RINT1: variants seen among roughly 807,000 people sequenced by gnomAD.
RINT1 encodes RAD50 interactor 1.
In RINT1, 75 loss-of-function variants were observed where a neutral mutation model predicts 97.7. The ratio of observed to expected loss-of-function variants is 0.77; its 90% confidence interval spans 0.64 to 0.93. RINT1 has a LOEUF of 0.93. Ranked by LOEUF, RINT1 falls within the 40% of genes least tolerant of loss-of-function variation. The pLI, the probability that RINT1 is intolerant of heterozygous loss-of-function variation, is 0.00. For synonymous variants in RINT1, 303 were observed against 326.3 expected (o/e 0.93, Z 0.77); for missense variants, 892 against 925.2 (o/e 0.96, Z 0.47).
intron 4 of RINT1, among the ~76,000 whole-genome samples, 194 bp downstream of exon 4, chr7:105,542,843 C>G (rs947918959): frequency 2.6e-5 from 4 of 151,440 alleles, no homozygotes; most frequent in African/African-American, 9.7e-5. Context: ...TTTCAGGGAG[C>G]TTAATTAGCA....
chr7:105,540,838 CT>C (rs56336226), intron 3 of RINT1, among the ~76,000 whole-genome samples: 238 of 134,146 alleles, frequency 1.8e-3, no homozygotes, highest in Non-Finnish European at 1.6e-3. Context: ...TCTTTGTTTC[CT>C]TTTTTTTTTT....
chr7:105,539,355 C>CTTTTTTT (rs56362601), intron 3 of RINT1, among the ~76,000 whole-genome samples: 25 of 131,648 alleles, frequency 1.9e-4, no homozygotes, highest in Admixed American at 3.1e-4. Flanking sequence ...CTTTCCCACT[C>CTTTTTTT]TTTTTTTTTT....
intron 3 of RINT1, 191 bp from the exon 4 acceptor site, chr7:105,542,217 C>A: frequency 1.8e-6 from 1 of 559,928 alleles, no homozygotes; most frequent in Non-Finnish European, 3.1e-6. Flanking sequence ...TATGTGTAGT[C>A]CCAACTACTG....
At position 105,565,435 on chromosome 7, in the gene RINT1, T is replaced by C. The variant is rs747097541; in HGVS notation, c.2045T>C (p.Leu682Pro). The part of the protein sequence containing the change: ...KIFWQMLVEK[L>P]DVYIYQEIIL... Reference sequence around the variant, plus strand: ...TTCTGGCAAATGCTTGTAGAGAAGCTGGATGTATACATCTACCAAGAAGTA... The same window carrying C: ...TTCTGGCAAATGCTTGTAGAGAAGCCGGATGTATACATCTACCAAGAAGTA... The change falls in exon 13 of 15, where the codon CTG (leucine) becomes CCG (proline). Residue 682 changes from leucine (L) to proline (P), a missense_variant. Leu to Pro is a moderately conservative substitution (Grantham distance 98). Coordinates refer to ENST00000257700, the MANE Select transcript of RINT1 (RefSeq NM_021930.6). 1.9e-6 allele frequency: 3 copies of C among 1,614,178 alleles called. No individual in the cohort carries two copies. The highest frequency in any genetic ancestry group is 1.7e-5 in the Admixed American group (1 of 60,010).
In RINT1 at chr7:105,555,200, A is replaced by G. The variant is rs375009254; in HGVS notation, c.1644A>G (p.Thr548=). The change falls in exon 11 of 15, where the codon ACA becomes ACG. Residue 548 remains threonine, a synonymous_variant. Transcript: ENST00000257700. ...TTAATGCTGTGAACTACATCTCAACAGTACTAGCAGATTGGGCTGACAATG... is the reference window on the plus strand; with the variant it reads ...TTAATGCTGTGAACTACATCTCAACGGTACTAGCAGATTGGGCTGACAATG... ...AILNAVNYIS[T]VLADWADNVF... is the part of the protein sequence containing the mutation. 9.3e-6 allele frequency: 15 copies of G among 1,613,820 alleles called. No homozygotes were observed. In the African/African-American group the frequency reaches 1.9e-4, roughly 20 times the overall value.
At chr7:105,551,109 G>C (rs1208629326) in intron 9 of RINT1, among the ~76,000 whole-genome samples, 7 of 152,236 alleles carry the variant, frequency 4.6e-5, no homozygotes, top group African/African-American at 1.7e-4. Flanking sequence ...GCTTACTGCA[G>C]CCTCGACCTC....
chr7:105,559,488 C>A (rs1791333208), intron 11 of RINT1, among the ~76,000 whole-genome samples: 1 of 127,644 alleles, frequency 7.8e-6, no homozygotes, highest in African/African-American at 3.0e-5. Flanking sequence ...TTGCAGTGAG[C>A]TGAGATTGTG....
intron 11 of RINT1, 48 bp downstream of exon 11, chr7:105,555,275 AT>A (rs1791134125): frequency 1.4e-6 from 2 of 1,443,888 alleles, no homozygotes; most frequent in African/African-American, 2.9e-5. Flanking sequence ...AGTTCGAACT[AT>A]TTTATTAATA....
At chr7:105,565,831 G>A (rs1277122360) in intron 14 of RINT1, among the ~76,000 whole-genome samples, 183 bp downstream of exon 14, 3 of 152,178 alleles carry the variant, frequency 2.0e-5, no homozygotes, top group African/African-American at 4.8e-5. Context: ...TGTGACCCAT[G>A]ACCTCAAAAA....
chr7:105,564,235 G>A (rs1259819260), intron 12 of RINT1, among the ~76,000 whole-genome samples: 1 of 152,032 alleles, frequency 6.6e-6, no homozygotes, highest in Non-Finnish European at 1.5e-5. Context: ...CTACAGGCAT[G>A]CACCACCACA....
intron 11 of RINT1, among the ~76,000 whole-genome samples, chr7:105,558,914 C>G (rs1040880286): frequency 6.6e-6 from 1 of 151,796 alleles, no homozygotes; most frequent in Admixed American, 6.6e-5. Flanking sequence ...GAGCCTTCAT[C>G]ACACTACTGC....
chr7:105,538,447 A>C (rs2133362625), intron 3 of RINT1, among the ~76,000 whole-genome samples: 2 of 152,236 alleles, frequency 1.3e-5, no homozygotes, highest in East Asian at 3.9e-4. Context: ...CTAGTCTTCA[A>C]GTTTAGCCTG....
chr7:105,542,891 G>GTT (rs1554361047), intron 4 of RINT1, among the ~76,000 whole-genome samples: 2 of 147,460 alleles, frequency 1.4e-5, no homozygotes, highest in Non-Finnish European at 1.5e-5. Context: ...AAACTTTTAA[G>GTT]TTTTTTTTTT....
Position 105,567,151 on chromosome 7 carries a change from A to T in RINT1, c.2219A>T (p.Asn740Ile), listed in dbSNP as rs1586278310. The T allele has an allele frequency of 3.2e-6, 5 of 1,582,804 alleles. No individual in the cohort carries two copies. The highest frequency in any genetic ancestry group is 4.3e-6 in the Non-Finnish European group (5 of 1,169,174). ...IKEACIVLNLNVGSALLLKDV... is the reference protein window; with the variant it reads ...IKEACIVLNLIVGSALLLKDV... ...GAAGCCTGTATTGTTTTGAATTTGA[A>T]CGTCGGTTCTGCACTACTGCTGAAA... The change falls in exon 15 of 15, where the codon AAC (asparagine) becomes ATC (isoleucine). Residue 740 changes from asparagine (N) to isoleucine (I), a missense_variant. Physicochemically the swap from Asn to Ile is moderately radical, Grantham distance 149. Transcript: ENST00000257700.
intron 11 of RINT1, among the ~76,000 whole-genome samples, chr7:105,557,867 CTCTG>C (rs1413801680): frequency 1.2e-4 from 19 of 152,232 alleles, no homozygotes; most frequent in African/African-American, 3.4e-4. Context: ...CTTATCTGTA[CTCTG>C]TCTGGGACTT....
intron 12 of RINT1, 100 bp from the exon 13 acceptor site, chr7:105,565,177 A>C (rs1791646300): frequency 1.0e-6 from 1 of 974,952 alleles, no homozygotes; most frequent in South Asian, 2.2e-5. Context: ...TCTTATCCAA[A>C]ATGCCCTAGG....
chr7:105,543,846 T>C (rs947913484), intron 4 of RINT1, among the ~76,000 whole-genome samples: 2 of 151,954 alleles, frequency 1.3e-5, no homozygotes, highest in African/African-American at 2.4e-5. Context: ...ATCCCAGCAC[T>C]TTGGGAGGCC....
intron 3 of RINT1, among the ~76,000 whole-genome samples, chr7:105,538,303 TTTTATCATA>T (rs1790326969): frequency 6.6e-6 from 1 of 152,160 alleles, no homozygotes; most frequent in African/African-American, 2.4e-5. Flanking sequence ...GATAAAACAT[TTTTATCATA>T]TAGCTACTAA....
chr7:105,554,893 C>T, intron 10 of RINT1, 135 bp from the exon 11 acceptor site: 2 of 666,420 alleles, frequency 3.0e-6, no homozygotes, highest in South Asian at 1.9e-5. Flanking sequence ...TAAGAGAGCT[C>T]AGAAATAAAT....
Sources: allele counts gnomAD v4.1 joint callset (sites outside exome capture counted in the v4.1 genomes callset), GRCh38; gene constraint gnomAD v4.1.1; transcripts MANE v1.5; gene names NCBI Gene and HGNC (gene_info 2026-07-23, HGNC 2026-07-21).